Variants in SHISAL1 observed in about 807,000 individuals in gnomAD.
The protein encoded by SHISAL1 is protein shisa-like-1.
Under a neutral mutation model 22.6 loss-of-function variants are expected in SHISAL1, and 9 were observed. The ratio of observed to expected loss-of-function variants is 0.40; its 90% CI spans 0.24 to 0.70. SHISAL1 has a LOEUF of 0.70. SHISAL1 is among the 30% of genes least tolerant of loss of function. SHISAL1 has a pLI of 0.39. For synonymous variants in SHISAL1, 119 were observed against 115.4 expected, an observed-to-expected ratio of 1.03 and a Z score of -0.20; for missense variants, 246 against 270.6, an observed-to-expected ratio of 0.91 and a Z score of 0.64.
chr22:44,255,059 C>CCTT (rs1233389606), intron 4 of SHISAL1, among the ~76,000 whole-genome samples: 19 of 152,170 alleles, frequency 1.2e-4, no homozygotes, highest in African/African-American at 3.4e-4. Context: ...TCCTCCTCCT[C>CCTT]CTCCCACCGC....
At chr22:44,252,759 C>T (rs1187037699) in intron 4 of SHISAL1, among the ~76,000 whole-genome samples, 1 of 152,056 alleles carries the variant, frequency 6.6e-6, no homozygotes, top group African/African-American at 2.4e-5. Flanking sequence ...CTCTGGGAGG[C>T]TGAGGCAGGT....
intron 1 of SHISAL1, among the ~76,000 whole-genome samples, chr22:44,303,423 G>A (rs1439050049): frequency 6.6e-6 from 1 of 152,104 alleles, no homozygotes; most frequent in African/African-American, 2.4e-5. Flanking sequence ...TTTATAAAAA[G>A]GGACAATTTG....
intron 4 of SHISAL1, among the ~76,000 whole-genome samples, chr22:44,275,492 G>T (rs560575090): frequency 4.1e-4 from 63 of 152,314 alleles, no homozygotes; most frequent in Non-Finnish European, 8.4e-4. Flanking sequence ...TGCTTTGGGG[G>T]ACCCCTGAGG....
chr22:44,290,529 C>CAA (rs546640216), intron 3 of SHISAL1, among the ~76,000 whole-genome samples: 1,921 of 84,146 alleles, frequency 0.023, 26 homozygotes, highest in South Asian at 0.053. Context: ...AACTCAGTCT[C>CAA]AAAAAAAAAA....
chr22:44,302,168 C>T (rs1199926067), intron 1 of SHISAL1, among the ~76,000 whole-genome samples: 4 of 152,066 alleles, frequency 2.6e-5, no homozygotes, highest in Admixed American at 1.3e-4. Context: ...TGGACAAACG[C>T]TGTCTCTACG....
chr22:44,304,443 A>G lies in SHISAL1; in HGVS notation c.-32-3466T>C, dbSNP rs2055456085. On this transcript the variant is annotated intron_variant, in intron 1 of 4. Transcript: ENST00000381176. The stretch of plus-strand genomic sequence containing the variant: ...CTTGTGAAGTCTGGTTTGCCAGAAC[A>G]AGGGAAGGGACTATCAGGATTGTAA... Among the ~76,000 whole-genome samples the G allele has an allele frequency of 2.0e-5, 3 of 152,190 alleles. No homozygotes were observed. In the South Asian group the frequency reaches 6.2e-4, roughly 31 times the overall value.
At chr22:44,289,577 C>A (rs966490055) in intron 3 of SHISAL1, among the ~76,000 whole-genome samples, 1 of 152,170 alleles carries the variant, frequency 6.6e-6, no homozygotes, top group Admixed American at 6.5e-5. Context: ...AGCTCATCCT[C>A]CCTGTCAGGG....
intron 1 of SHISAL1, among the ~76,000 whole-genome samples, chr22:44,312,317 C>T (rs1484275531): frequency 6.6e-6 from 1 of 152,198 alleles, no homozygotes; most frequent in Non-Finnish European, 1.5e-5. Context: ...GTGAAGCCAA[C>T]CAAATGCCCT....
intron 2 of SHISAL1, among the ~76,000 whole-genome samples, chr22:44,300,401 C>G (rs1477839381): frequency 1.3e-5 from 2 of 152,190 alleles, no homozygotes; most frequent in East Asian, 3.9e-4. Context: ...ATCCTTGTAA[C>G]TGGGAGAGCA....
chr22:44,282,770 T>C (rs1332974114), intron 4 of SHISAL1, among the ~76,000 whole-genome samples: 2 of 152,168 alleles, frequency 1.3e-5, no homozygotes, highest in Non-Finnish European at 2.9e-5. Context: ...CAGGGGCTGA[T>C]GAGTGTTCAA....
chr22:44,278,448 C>A (rs988415855), intron 4 of SHISAL1, among the ~76,000 whole-genome samples: 2 of 152,206 alleles, frequency 1.3e-5, no homozygotes, highest in African/African-American at 2.4e-5. Flanking sequence ...CAAGCAGGGG[C>A]ACCTTTATGG....
chr22:44,300,980 G>A lies in SHISAL1; in HGVS notation c.-32-3C>T, dbSNP rs752781505. Reference sequence around the variant, plus strand: ...TGCATTGATCCGTCCAGAGCTGCCTGTTCAATGAGAGCCACGAGAGGCTGG... The same window carrying A: ...TGCATTGATCCGTCCAGAGCTGCCTATTCAATGAGAGCCACGAGAGGCTGG... On this transcript the variant is annotated splice_polypyrimidine_tract_variant and splice_region_variant and intron_variant, in intron 1 of 4. Transcript: ENST00000381176. 6.2e-7 allele frequency: 1 copy of A among 1,602,352 alleles called. No individual in the cohort carries two copies. Among genetic ancestry groups the A allele is most frequent in the Non-Finnish European group, 8.5e-7 (1 of 1,170,044 alleles).
At chr22:44,283,257 C>G (rs979804684) in intron 4 of SHISAL1, among the ~76,000 whole-genome samples, 2 of 152,224 alleles carry the variant, frequency 1.3e-5, no homozygotes, top group Non-Finnish European at 2.9e-5. Flanking sequence ...CTTCCTGAGC[C>G]TGCACTCAGG....
intron 3 of SHISAL1, among the ~76,000 whole-genome samples, chr22:44,293,059 C>A (rs994515393): frequency 4.6e-5 from 7 of 152,210 alleles, no homozygotes; most frequent in African/African-American, 1.7e-4. Flanking sequence ...TCCACCAGCT[C>A]TTTATTCCCC....
chr22:44,250,955 C>T (rs1416454048), intron 4 of SHISAL1, among the ~76,000 whole-genome samples: 2 of 152,338 alleles, frequency 1.3e-5, no homozygotes, highest in African/African-American at 4.8e-5. Flanking sequence ...ACCTACTCTC[C>T]ACCCTTTGCA....
upstream of SHISAL1, among the ~76,000 whole-genome samples, chr22:44,315,043 GGGCCC>G (rs2055549480): frequency 2.6e-5 from 4 of 152,266 alleles, no homozygotes; most frequent in African/African-American, 9.6e-5. Flanking sequence ...GGGGTGAAGT[GGGCCC>G]TGCTTGGGAG....
chr22:44,289,660 A>G (rs1229472116), intron 3 of SHISAL1, among the ~76,000 whole-genome samples: 10 of 152,286 alleles, frequency 6.6e-5, no homozygotes, highest in African/African-American at 2.4e-4. Flanking sequence ...ACCACCCTGG[A>G]GGTGGCAGGC....
the SHISAL1 span, among the ~76,000 whole-genome samples, chr22:44,319,098 C>T: frequency 6.6e-6 from 1 of 152,272 alleles, no homozygotes; most frequent in Admixed American, 6.5e-5. Context: ...AGACTCCAGG[C>T]CACGGAGGCA....
At chr22:44,275,920 G>A (rs902191902) in intron 4 of SHISAL1, among the ~76,000 whole-genome samples, 4 of 152,186 alleles carry the variant, frequency 2.6e-5, no homozygotes, top group East Asian at 1.9e-4. Flanking sequence ...CACAAGGCAC[G>A]GGGCAGGAAG....
Sources: allele counts gnomAD v4.1 joint callset (sites outside exome capture counted in the v4.1 genomes callset), GRCh38; gene constraint gnomAD v4.1.1; transcripts MANE v1.5; gene names NCBI Gene and HGNC (gene_info 2026-07-23, HGNC 2026-07-21).